The following LAMA2 variants were observed in gnomAD, a reference collection of about 807,000 sequenced individuals.
LAMA2 encodes laminin subunit alpha 2, also known as laminin subunit alpha-2.
In LAMA2, 269 loss-of-function variants were observed where a neutral mutation model predicts 364.8. The observed-to-expected ratio is 0.74, with a 90% CI of 0.67 to 0.82. LAMA2 has a LOEUF of 0.82. Ranked by LOEUF, LAMA2 falls within the 40% of genes least tolerant of loss-of-function variation. LAMA2 has a pLI of 0.00. For synonymous variants in LAMA2, 1,379 were observed against 1,370.6 expected (o/e 1.01, Z -0.14); for missense variants, 3,807 against 3,873.2 (o/e 0.98, Z 0.45).
At chr6:129,375,942 C>T (rs900144698) in intron 34 of LAMA2, among the ~76,000 whole-genome samples, 7 of 152,192 alleles carry the variant, frequency 4.6e-5, no homozygotes, top group African/African-American at 1.4e-4. Flanking sequence ...GCCCTTCACT[C>T]TACTCCCTCT....
chr6:129,006,462 T>G (rs1784445745), intron 1 of LAMA2, among the ~76,000 whole-genome samples: 1 of 152,136 alleles, frequency 6.6e-6, no homozygotes, highest in Non-Finnish European at 1.5e-5. Context: ...TCTCATCTCT[T>G]CCGTTCTTTC....
At chr6:129,149,554 A>G (rs532549033) in intron 7 of LAMA2, among the ~76,000 whole-genome samples, 3 of 152,268 alleles carry the variant, frequency 2.0e-5, no homozygotes, top group African/African-American at 4.8e-5. Context: ...CCAACACTAT[A>G]TATCCTTTGA....
intron 1 of LAMA2, among the ~76,000 whole-genome samples, chr6:128,910,560 A>T (rs1456369990): frequency 6.6e-6 from 1 of 151,952 alleles, no homozygotes; most frequent in African/African-American, 2.4e-5. Flanking sequence ...CAAAGTTTTC[A>T]ACTTCTTTGC....
intron 1 of LAMA2, among the ~76,000 whole-genome samples, chr6:128,986,101 A>T (rs1342090478): frequency 6.6e-6 from 1 of 152,146 alleles, no homozygotes; most frequent in African/African-American, 2.4e-5. Flanking sequence ...GAACTCATAG[A>T]TTTTAAATAT....
chr6:129,210,629 G>A (rs918791736), intron 12 of LAMA2, among the ~76,000 whole-genome samples: 4 of 152,138 alleles, frequency 2.6e-5, no homozygotes, highest in Admixed American at 2.6e-4. Flanking sequence ...TAACAGTTTC[G>A]CTGTTTGAGC....
intron 15 of LAMA2, among the ~76,000 whole-genome samples, chr6:129,266,057 A>C (rs1787490818): frequency 6.6e-6 from 1 of 152,058 alleles, no homozygotes. Flanking sequence ...ACACAATTCT[A>C]TATCCTTTAT....
rs1562532929 is a variant in LAMA2, at chr6:129,403,831, GA to G, written c.5738del (p.Glu1913GlyfsTer51). On this transcript the variant is annotated frameshift_variant, in exon 40 of 65. Transcript: ENST00000421865. LOFTEE classifies it high-confidence loss of function. Reference sequence around the variant, plus strand: ...GAATCATCCCACCAGAATCCTTGATGAGGCTAAAAACATCTCCTTCAATGCC... The same window carrying G: ...GAATCATCCCACCAGAATCCTTGATGGGCTAAAAACATCTCCTTCAATGCC... The part of the protein sequence containing the change: ...SSAVLDGILD[E>X]AKNISFNATA... 1 of 1,613,422 alleles carries G rather than the reference GA, an allele frequency of 6.2e-7. No individual in the cohort carries two copies. The highest frequency in any genetic ancestry group is 1.1e-5 in the South Asian group (1 of 91,046).
chr6:129,299,101 T>A (rs951125203), intron 21 of LAMA2, among the ~76,000 whole-genome samples: 4 of 151,776 alleles, frequency 2.6e-5, no homozygotes, highest in African/African-American at 9.7e-5. Flanking sequence ...CAGCATTTAA[T>A]AAATGCAGAC....
intron 62 of LAMA2, among the ~76,000 whole-genome samples, chr6:129,509,068 C>T (rs548627563): frequency 2.0e-5 from 3 of 152,258 alleles, no homozygotes; most frequent in Middle Eastern, 3.4e-3. Context: ...GATGATAGCT[C>T]ATTGTAGTTT....
intron 1 of LAMA2, among the ~76,000 whole-genome samples, chr6:128,976,690 C>T (rs1313933148): frequency 6.6e-6 from 1 of 152,042 alleles, no homozygotes; most frequent in Non-Finnish European, 1.5e-5. Flanking sequence ...GTTGACATTC[C>T]TGAGAAATGT....
chr6:128,917,670 A>C (rs1173619714), intron 1 of LAMA2, among the ~76,000 whole-genome samples: 3 of 135,500 alleles, frequency 2.2e-5, no homozygotes, highest in African/African-American at 8.3e-5. Context: ...TCTTTATTTT[A>C]TACTCTCACC....
intron 1 of LAMA2, among the ~76,000 whole-genome samples, chr6:128,948,736 A>C (rs1780630357): frequency 6.6e-6 from 1 of 152,074 alleles, no homozygotes; most frequent in Non-Finnish European, 1.5e-5. Flanking sequence ...CTTAGTTCCC[A>C]TGAGATCTGG....
intron 12 of LAMA2, among the ~76,000 whole-genome samples, chr6:129,245,049 T>C (rs1396537187): frequency 6.6e-6 from 1 of 152,116 alleles, no homozygotes; most frequent in African/African-American, 2.4e-5. Context: ...AGTGAATGGC[T>C]TAGCCTAGAA....
At chr6:129,422,554 G>A (rs965570670) in intron 40 of LAMA2, among the ~76,000 whole-genome samples, 1 of 152,072 alleles carries the variant, frequency 6.6e-6, no homozygotes, top group Non-Finnish European at 1.5e-5. Context: ...GATAGTAAAG[G>A]ATGTTAAGAG....
chr6:128,914,357 G>A (rs1393542597), intron 1 of LAMA2, among the ~76,000 whole-genome samples: 2 of 152,144 alleles, frequency 1.3e-5, no homozygotes, highest in Non-Finnish European at 2.9e-5. Context: ...GAAAATGTCT[G>A]CATGTTTATT....
At chr6:128,901,120 G>A (rs997835343) in intron 1 of LAMA2, among the ~76,000 whole-genome samples, 9 of 152,304 alleles carry the variant, frequency 5.9e-5, no homozygotes, top group African/African-American at 1.9e-4. Flanking sequence ...TCACACCACT[G>A]CACTTTAGCC....
chr6:129,140,962 T>C (rs775496177), intron 4 of LAMA2, among the ~76,000 whole-genome samples: 1 of 152,054 alleles, frequency 6.6e-6, no homozygotes, highest in Non-Finnish European at 1.5e-5. Flanking sequence ...ATGTACACCT[T>C]TTTTCCAAAA....
chr6:129,177,826 G>A lies in LAMA2; in HGVS notation c.1427G>A (p.Ser476Asn). The A allele has an allele frequency of 6.2e-7, 1 of 1,613,928 alleles. No homozygotes were observed. The highest frequency in any genetic ancestry group is 8.5e-7 in the Non-Finnish European group (1 of 1,179,930). The stretch of plus-strand genomic sequence containing the variant: ...GCCTGTAACTGCAGTGGGTTAGGGA[G>A]CAAAAATGAGGATCCTTGTTTTGGC... Reference protein sequence around the residue: ...CKACNCSGLGSKNEDPCFGPC... With the variant: ...CKACNCSGLGNKNEDPCFGPC... The change falls in exon 10 of 65, where the codon AGC becomes AAC. Residue 476 changes from serine (S) to asparagine (N), a missense_variant. This residue lies in a region of LAMA2 where 3,333 missense variants were observed against 3,345.7 expected (regional missense o/e 1.00). Coordinates refer to ENST00000421865, the MANE Select transcript of LAMA2 (RefSeq NM_000426.4).
At chr6:129,369,824 T>C in intron 33 of LAMA2, 68 bp from the exon 34 acceptor site, 1 of 1,299,790 alleles carries the variant, frequency 7.7e-7, no homozygotes, top group Non-Finnish European at 1.1e-6. Flanking sequence ...TACAAAAATG[T>C]GTTCTGTCGA....
Sources: gnomAD v4.1 joint callset for allele counts (sites outside exome capture counted in the v4.1 genomes callset) on GRCh38, gnomAD v4.1.1 for gene constraint, gnomAD v4.1.1 regional missense constraint, MANE v1.5 for transcripts, NCBI Gene and HGNC (gene_info 2026-07-23, HGNC 2026-07-21) for gene names.